The following KIFAP3 variants were observed in gnomAD, a reference collection of about 807,000 sequenced individuals.
The protein encoded by KIFAP3 is kinesin associated protein 3.
KIFAP3 carries 68 observed loss-of-function variants against 106.5 expected under a neutral mutation model. The observed-to-expected ratio is 0.64, with a 90% CI of 0.53 to 0.78. KIFAP3 has a LOEUF of 0.78. KIFAP3 is among the 30% of genes least tolerant of loss of function. The pLI, the probability that KIFAP3 is intolerant of heterozygous loss-of-function variation, is 0.00. For missense variants in KIFAP3, 780 were observed against 941.8 expected (o/e 0.83, Z 2.25); for synonymous variants, 320 against 311.5 (o/e 1.03, Z -0.29).
chr1:169,931,034 C>T (rs1302806965), intron 19 of KIFAP3, among the ~76,000 whole-genome samples: 1 of 151,558 alleles, frequency 6.6e-6, no homozygotes, highest in Non-Finnish European at 1.5e-5. Context: ...ACTCTCCTGC[C>T]TTAGCCTCCC....
chr1:169,961,329 C>A, intron 17 of KIFAP3, 94 bp from the exon 18 acceptor site: 1 of 870,618 alleles, frequency 1.1e-6, no homozygotes. Context: ...TTTGGGGGCC[C>A]TTCACTGGGT....
chr1:169,921,503 C>T lies in KIFAP3; in HGVS notation c.*173G>A, dbSNP rs1662821538. 7.3e-6 allele frequency: 4 copies of T among 547,938 alleles called. No individual in the cohort carries two copies. The highest frequency in any genetic ancestry group is 9.8e-6 in the Non-Finnish European group (3 of 305,256). The allele number at this position is 547,938 out of a possible 1,614,324, so 33.9% of individuals were successfully genotyped here. ...GTGAACAATGTCAGTATCAACTGTACTTAACAGAAGACAGAGGGGCTGGGG... is the reference window on the plus strand; with the variant it reads ...GTGAACAATGTCAGTATCAACTGTATTTAACAGAAGACAGAGGGGCTGGGG... On this transcript the variant is annotated 3_prime_UTR_variant, in exon 20 of 20. Transcript: ENST00000361580.
intron 10 of KIFAP3, among the ~76,000 whole-genome samples, chr1:170,006,366 T>C (rs147861087): frequency 1.4e-4 from 22 of 152,302 alleles, no homozygotes; most frequent in African/African-American, 5.1e-4. Flanking sequence ...GCCATGCTAA[T>C]GGTGGTTCAA....
intron 17 of KIFAP3, among the ~76,000 whole-genome samples, chr1:169,965,642 A>T (rs184006607): frequency 4.6e-5 from 7 of 152,184 alleles, no homozygotes; most frequent in African/African-American, 1.7e-4. Context: ...TCCTAATTTA[A>T]CAATAACAAA....
At chr1:170,010,186 G>T (rs796175514) in intron 10 of KIFAP3, among the ~76,000 whole-genome samples, 2 of 151,930 alleles carry the variant, frequency 1.3e-5, no homozygotes, top group African/African-American at 4.8e-5. Context: ...AATAAATTTG[G>T]CAATATTTAA....
intron 10 of KIFAP3, among the ~76,000 whole-genome samples, chr1:170,008,566 T>G (rs554437628): frequency 6.6e-6 from 1 of 152,222 alleles, no homozygotes; most frequent in South Asian, 2.1e-4. Context: ...AAAACCACAA[T>G]GAGATATCAT....
At chr1:169,935,750 A>G (rs1377089457) in intron 19 of KIFAP3, among the ~76,000 whole-genome samples, 1 of 152,028 alleles carries the variant, frequency 6.6e-6, no homozygotes, top group South Asian at 2.1e-4. Context: ...ATACACACAG[A>G]TTTTACATAT....
intron 10 of KIFAP3, among the ~76,000 whole-genome samples, chr1:170,015,580 G>T (rs912404543): frequency 6.6e-6 from 1 of 152,134 alleles, no homozygotes; most frequent in Admixed American, 6.6e-5. Flanking sequence ...TAAGACATAA[G>T]TAACAATTTA....
chr1:169,988,128 G>C (rs1255901017), intron 11 of KIFAP3, among the ~76,000 whole-genome samples: 3 of 152,000 alleles, frequency 2.0e-5, no homozygotes, highest in Non-Finnish European at 4.4e-5. Flanking sequence ...TATTGGGAGA[G>C]ATTATGAGAC....
At chr1:169,923,743 A>G (rs1662956541) in intron 19 of KIFAP3, among the ~76,000 whole-genome samples, 1 of 152,236 alleles carries the variant, frequency 6.6e-6, no homozygotes, top group African/African-American at 2.4e-5. Flanking sequence ...CTTGTTAGCA[A>G]TATCACTGTA....
At chr1:170,004,195 T>C (rs61825322) in intron 10 of KIFAP3, among the ~76,000 whole-genome samples, 140,453 of 149,962 alleles carry the variant, frequency 0.94, 65,860 homozygotes, top group East Asian at 1. Context: ...CACTGCTCAG[T>C]GAAATAAAAG....
intron 19 of KIFAP3, among the ~76,000 whole-genome samples, chr1:169,942,821 A>G (rs1451072558): frequency 6.6e-6 from 1 of 152,016 alleles, no homozygotes. Context: ...GAGCTGTCAT[A>G]GCAGTTCAAG....
rs74122429 is a variant in KIFAP3 at position 169,922,527 on chromosome 1, A to G, written c.2274-746T>C. On this transcript the variant is annotated intron_variant, in intron 19 of 19. Coordinates refer to ENST00000361580, the MANE Select transcript of KIFAP3 (RefSeq NM_014970.4). Reference sequence around the variant, plus strand: ...TTGAAGTATGTTAAACTTCATGATTATTATTTTAAAAAAATTACTTGTTGG... The same window carrying G: ...TTGAAGTATGTTAAACTTCATGATTGTTATTTTAAAAAAATTACTTGTTGG... Among the ~76,000 whole-genome samples, 1,387 of 152,362 alleles carry G rather than the reference A, an allele frequency of 9.1e-3. 15 individuals are homozygous for G. Among genetic ancestry groups the G allele is most frequent in the African/African-American group, 0.032 (1,313 of 41,592 alleles).
At chr1:170,019,255 T>G (rs751082126) in intron 9 of KIFAP3, among the ~76,000 whole-genome samples, 1 of 152,108 alleles carries the variant, frequency 6.6e-6, no homozygotes, top group Non-Finnish European at 1.5e-5. Flanking sequence ...TAAACATTTA[T>G]GTAGAAATAA....
At chr1:169,958,953 C>T (rs1020855096) in intron 18 of KIFAP3, among the ~76,000 whole-genome samples, 1 of 152,054 alleles carries the variant, frequency 6.6e-6, no homozygotes, top group Admixed American at 6.6e-5. Flanking sequence ...GAATCATATA[C>T]ATTTGACTAT....
At chr1:170,012,428 C>A (rs1035768412) in intron 10 of KIFAP3, among the ~76,000 whole-genome samples, 1 of 152,122 alleles carries the variant, frequency 6.6e-6, no homozygotes, top group Non-Finnish European at 1.5e-5. Context: ...GGGACTCTGG[C>A]TCCAAATCCC....
intron 16 of KIFAP3, among the ~76,000 whole-genome samples, chr1:169,973,240 G>A (rs1161997369): frequency 2.7e-5 from 4 of 147,140 alleles, no homozygotes; most frequent in Non-Finnish European, 6.0e-5. Flanking sequence ...AAGAGTAAAT[G>A]GACACAACAG....
chr1:169,962,648 A>T (rs1019898055), intron 17 of KIFAP3, among the ~76,000 whole-genome samples: 10 of 152,136 alleles, frequency 6.6e-5, no homozygotes, highest in Non-Finnish European at 1.2e-4. Context: ...CAATTTTTCA[A>T]CTCAAGCTGA....
At chr1:170,080,388 AT>A (rs558895802) in intron 1 of KIFAP3, among the ~76,000 whole-genome samples, 74 of 151,562 alleles carry the variant, frequency 4.9e-4, no homozygotes, top group South Asian at 2.7e-3. Flanking sequence ...AATACTAGCA[AT>A]TTTTTTTTAC....
Sources: gnomAD v4.1 joint callset for allele counts (sites outside exome capture counted in the v4.1 genomes callset) on GRCh38, gnomAD v4.1.1 for gene constraint, MANE v1.5 for transcripts, NCBI Gene and HGNC (gene_info 2026-07-23, HGNC 2026-07-21) for gene names.